COL4A1: variants seen among roughly 807,000 people sequenced by gnomAD.
COL4A1 encodes collagen type IV alpha 1 chain.
Under a neutral mutation model 216.6 loss-of-function variants are expected in COL4A1, and 40 were observed. The ratio of observed to expected loss-of-function variants is 0.18; its 90% CI spans 0.14 to 0.24. The LOEUF (loss-of-function observed/expected upper bound fraction) is 0.24, where lower values mean the gene tolerates loss of function less well. COL4A1 is among the 10% of genes least tolerant of loss of function. The pLI, the probability that COL4A1 is intolerant of heterozygous loss-of-function variation, is 1.00. For missense variants in COL4A1, 1,628 were observed against 2,196.8 expected (o/e 0.74, Z 5.18); for synonymous variants, 839 against 810.7 (o/e 1.03, Z -0.59).
intron 24 of COL4A1, chr13:110,190,679 C>A (rs906831416): frequency 6.6e-6 from 1 of 152,134 alleles, no homozygotes; most frequent in African/African-American, 2.4e-5. Flanking sequence ...CATTTCTGAG[C>A]GAGTTAAATC....
At chr13:110,200,809 G>A in intron 20 of COL4A1, 45 bp downstream of exon 20, 1 of 1,576,758 alleles carries the variant, frequency 6.3e-7, no homozygotes, top group Non-Finnish European at 8.7e-7. Context: ...AAACAGCACA[G>A]AAGGTGTGCA....
In COL4A1 at chr13:110,176,614, T is replaced by C. The variant is rs752476229; in HGVS notation, c.2968+12A>G. 163 of 1,612,644 alleles carry C rather than the reference T, an allele frequency of 1.0e-4. No individual in the cohort carries two copies. Among genetic ancestry groups the C allele is most frequent in the Non-Finnish European group, 1.3e-4 (156 of 1,178,770 alleles). On this transcript the variant is annotated intron_variant, in intron 35 of 51. Coordinates refer to ENST00000375820, the MANE Select transcript of COL4A1 (RefSeq NM_001845.6). ...CCCTTGCCACACTGGGGACCGGAGC[T>C]CCACACTGTACCTGGCTGCCCAGGC...
chr13:110,168,592 T>C (rs1052545909), intron 43 of COL4A1, among the ~76,000 whole-genome samples: 2 of 152,390 alleles, frequency 1.3e-5, no homozygotes, highest in Middle Eastern at 3.4e-3. Context: ...GCACCACGTA[T>C]TGTTTTGCAC....
At chr13:110,175,072 G>A (rs1305569651) in intron 37 of COL4A1, 146 bp downstream of exon 37, 2 of 995,528 alleles carry the variant, frequency 2.0e-6, no homozygotes, top group Non-Finnish European at 3.1e-6. Flanking sequence ...GAATACAAGG[G>A]GAAGGAGAGG....
chr13:110,208,970 C>T, intron 11 of COL4A1, 80 bp from the exon 12 acceptor site: 1 of 1,390,662 alleles, frequency 7.2e-7, no homozygotes. Context: ...ACACAAAATG[C>T]AATAAGATGG....
chr13:110,222,077 T>C (rs1265422007), intron 2 of COL4A1, among the ~76,000 whole-genome samples: 1 of 152,136 alleles, frequency 6.6e-6, no homozygotes, highest in Non-Finnish European at 1.5e-5. Flanking sequence ...GGGGCGTCCG[T>C]AGACACCCAC....
At chr13:110,277,074 T>G (rs1201045776) in intron 1 of COL4A1, among the ~76,000 whole-genome samples, 1 of 152,198 alleles carries the variant, frequency 6.6e-6, no homozygotes, top group Non-Finnish European at 1.5e-5. Flanking sequence ...GTTTTTGAAC[T>G]CCAGTTTAGA....
chr13:110,291,390 C>G (rs1487228741), intron 1 of COL4A1, among the ~76,000 whole-genome samples: 10 of 152,206 alleles, frequency 6.6e-5, no homozygotes, highest in Admixed American at 2.6e-4. Flanking sequence ...GCTGGCTGTC[C>G]ACAGAACTCA....
At chr13:110,238,838 G>C (rs1881438353) in intron 2 of COL4A1, among the ~76,000 whole-genome samples, 1 of 152,154 alleles carries the variant, frequency 6.6e-6, no homozygotes, top group Non-Finnish European at 1.5e-5. Context: ...TAACTTCTGG[G>C]AATGTGTTGC....
chr13:110,228,086 G>A (rs995488437), intron 2 of COL4A1, among the ~76,000 whole-genome samples: 5 of 152,188 alleles, frequency 3.3e-5, no homozygotes, highest in African/African-American at 7.2e-5. Flanking sequence ...ACATACACGC[G>A]CCTTACAGGA....
intron 34 of COL4A1, 23 bp from the exon 35 acceptor site, chr13:110,176,747 G>C: frequency 6.2e-7 from 1 of 1,613,518 alleles, no homozygotes; most frequent in Non-Finnish European, 8.5e-7. Flanking sequence ...GAAGAAAATA[G>C]CAATGACCCG....
In COL4A1 at chr13:110,265,048, C is replaced by T. The variant is rs143116161; in HGVS notation, c.85-22314G>A. Reference sequence around the variant, plus strand: ...GCTCTGCAAGATGCTGGGCTGTGGGCGCCGTCCCACCATCATCGATCGGCC... The same window carrying T: ...GCTCTGCAAGATGCTGGGCTGTGGGTGCCGTCCCACCATCATCGATCGGCC... On this transcript the variant is annotated intron_variant, in intron 1 of 51. Transcript: ENST00000375820. Among the ~76,000 whole-genome samples the T allele has an allele frequency of 4.4e-3, 676 of 152,344 alleles. 4 individuals carry two copies. The highest frequency in any genetic ancestry group is 0.015 in the African/African-American group (632 of 41,574).
intron 47 of COL4A1, among the ~76,000 whole-genome samples, chr13:110,163,236 A>T (rs1877167757): frequency 6.6e-6 from 1 of 152,216 alleles, no homozygotes; most frequent in Non-Finnish European, 1.5e-5. Context: ...GCCTTTCAAC[A>T]ACATCTGGGA....
At chr13:110,262,689 A>G (rs904803323) in intron 1 of COL4A1, among the ~76,000 whole-genome samples, 9 of 152,200 alleles carry the variant, frequency 5.9e-5, no homozygotes, top group African/African-American at 2.2e-4. Context: ...AGGAAAGTGA[A>G]ACAATACATG....
intron 2 of COL4A1, among the ~76,000 whole-genome samples, chr13:110,236,760 A>C (rs682470): frequency 0.99 from 150,654 of 152,346 alleles, 74,511 homozygotes; most frequent in Middle Eastern, 1. Context: ...GTTTCTGCAG[A>C]CCTCTCACAG....
chr13:110,192,391 G>T, intron 23 of COL4A1, 107 bp from the exon 24 acceptor site: 2 of 1,014,876 alleles, frequency 2.0e-6, no homozygotes, highest in Non-Finnish European at 3.1e-6. Flanking sequence ...GGAAGTGGAT[G>T]ATTGCTTGGA....
intron 6 of COL4A1, 33 bp downstream of exon 6, chr13:110,212,384 A>G (rs1879846220): frequency 1.9e-6 from 3 of 1,612,030 alleles, no homozygotes; most frequent in Non-Finnish European, 2.5e-6. Context: ...ACGTAAACAC[A>G]CACAAAAAGG....
At position 110,219,678 on chromosome 13, in the gene COL4A1, GTGTATATATA is replaced by G. The variant is rs373618952; in HGVS notation, c.145-5673_145-5664del. ...TATATATATGTATATATATATATAT[GTGTATATATA>G]TGTATATATATGTATATACATATGT... On this transcript the variant is annotated intron_variant, in intron 2 of 51. Coordinates refer to ENST00000375820, the MANE Select transcript of COL4A1 (RefSeq NM_001845.6). Among the ~76,000 whole-genome samples the G allele has an allele frequency of 2.6e-3, 318 of 123,220 alleles. 8 individuals carry two copies. Among genetic ancestry groups the G allele is most frequent in the African/African-American group, 9.9e-3 (302 of 30,582 alleles). The allele number at this position is 123,220 out of a possible 152,430, so 80.8% of individuals were successfully genotyped here. A position where few individuals can be genotyped will look rare whatever the true frequency, so the allele number is the denominator to read the frequency against.
At chr13:110,255,416 C>A (rs978701110) in intron 1 of COL4A1, among the ~76,000 whole-genome samples, 1 of 148,704 alleles carries the variant, frequency 6.7e-6, no homozygotes, top group Non-Finnish European at 1.5e-5. Context: ...CGCAAGAAGG[C>A]GGGAGAAGAG....
Sources: allele counts gnomAD v4.1 joint callset (sites outside exome capture counted in the v4.1 genomes callset), GRCh38; gene constraint gnomAD v4.1.1; transcripts MANE v1.5; gene names NCBI Gene and HGNC (gene_info 2026-07-23, HGNC 2026-07-21).